Variants in RTL4 observed in about 807,000 individuals in gnomAD.
The protein encoded by RTL4 is retrotransposon Gag like 4.
A neutral mutation model predicts 5.3 loss-of-function variants in RTL4; 4 were observed. That is an observed-to-expected ratio of 0.75 (90% CI 0.37 to 1.72). RTL4 has a LOEUF of 1.72. Ranked by LOEUF, RTL4 falls within the 40% of genes most tolerant of loss-of-function variation. RTL4 has a pLI of 0.04. For synonymous variants in RTL4, 98 were observed against 87.3 expected (o/e 1.12, Z -0.68); for missense variants, 260 against 227.1 (o/e 1.14, Z -0.93).
the RTL4 span, among the ~76,000 whole-genome samples, chrX:112,168,518 A>G: frequency 8.9e-6 from 1 of 111,821 alleles, no homozygotes; most frequent in East Asian, 2.8e-4. Flanking sequence ...AAAAGGATGC[A>G]GTAAAGAAGC....
chrX:112,110,937 C>A, the RTL4 span, among the ~76,000 whole-genome samples: 2 of 111,771 alleles, frequency 1.8e-5, no homozygotes, highest in Middle Eastern at 4.2e-3. Context: ...TGTTAGGAAA[C>A]CTGCTGGGTT....
At chrX:112,230,305 C>T in the RTL4 span, among the ~76,000 whole-genome samples, 12 of 112,379 alleles carry the variant, frequency 1.1e-4, no homozygotes, top group South Asian at 1.9e-3. Context: ...AGTGAGGCTC[C>T]GTGGGCATAG....
the RTL4 span, among the ~76,000 whole-genome samples, chrX:112,392,749 C>T: frequency 9.0e-6 from 1 of 111,512 alleles, no homozygotes; most frequent in Non-Finnish European, 1.9e-5. Flanking sequence ...AGTTGGAGAA[C>T]ACCGATGGGG....
chrX:112,231,094 G>A, the RTL4 span, among the ~76,000 whole-genome samples: 5,166 of 110,248 alleles, frequency 0.047, 316 homozygotes, highest in African/African-American at 0.16. Context: ...GAGAGGATGT[G>A]GAGAAATAGG....
At chrX:112,179,563 T>A in the RTL4 span, among the ~76,000 whole-genome samples, 1 of 111,710 alleles carries the variant, frequency 9.0e-6, no homozygotes, top group Non-Finnish European at 1.9e-5. Flanking sequence ...AGATCTTAGA[T>A]AAATGTGGGC....
the RTL4 span, among the ~76,000 whole-genome samples, chrX:112,113,140 AG>A: frequency 9.0e-6 from 1 of 111,060 alleles, no homozygotes; most frequent in African/African-American, 3.3e-5. Flanking sequence ...TCAGGCCTTA[AG>A]GGTTATTGCT....
the RTL4 span, among the ~76,000 whole-genome samples, chrX:112,270,756 T>C: frequency 9.0e-6 from 1 of 110,546 alleles, no homozygotes; most frequent in African/African-American, 3.3e-5. Flanking sequence ...GGAGTTCTGT[T>C]GGGAGGAAGG....
At chrX:112,179,918 G>A in the RTL4 span, among the ~76,000 whole-genome samples, 1 of 111,532 alleles carries the variant, frequency 9.0e-6, no homozygotes, top group African/African-American at 3.3e-5. Context: ...GAAGCATTTG[G>A]TGTTCACTCT....
the RTL4 span, among the ~76,000 whole-genome samples, chrX:112,233,875 A>T: frequency 4.5e-5 from 5 of 111,903 alleles, no homozygotes; most frequent in Middle Eastern, 4.6e-3. Context: ...TGGCAAAGTG[A>T]CATGGATGCC....
the RTL4 span, among the ~76,000 whole-genome samples, chrX:112,423,385 G>A: frequency 2.8e-5 from 3 of 107,713 alleles, no homozygotes; most frequent in Admixed American, 1.0e-4. Flanking sequence ...CCTGCCCCCC[G>A]CCCAAGTGCC....
chrX:112,222,430 A>G, the RTL4 span, among the ~76,000 whole-genome samples: 1 of 111,771 alleles, frequency 8.9e-6, no homozygotes, highest in East Asian at 2.8e-4. Flanking sequence ...TAGTAAAGAT[A>G]TTCCTAGCTG....
At chrX:112,209,401 G>A in the RTL4 span, among the ~76,000 whole-genome samples, 1 of 111,997 alleles carries the variant, frequency 8.9e-6, no homozygotes, top group Non-Finnish European at 1.9e-5. Context: ...TGCCAACTGG[G>A]AAGATTTCCC....
chrX:112,451,226 C>A (rs1926729563), upstream of RTL4, among the ~76,000 whole-genome samples: 1 of 112,030 alleles, frequency 8.9e-6, no homozygotes, highest in South Asian at 3.7e-4. Context: ...TGACTCACAC[C>A]TGTAATCCCA....
the RTL4 span, among the ~76,000 whole-genome samples, chrX:112,088,348 T>C: frequency 4.5e-5 from 5 of 111,523 alleles, no homozygotes; most frequent in Admixed American, 2.9e-4. Context: ...CTTAATATAA[T>C]GTTTTGAAGG....
At chrX:112,328,424 A>C in the RTL4 span, among the ~76,000 whole-genome samples, 4 of 111,800 alleles carry the variant, frequency 3.6e-5, no homozygotes, top group Non-Finnish European at 5.6e-5. Context: ...CCATTACATA[A>C]TGGTAAAGGG....
the RTL4 span, among the ~76,000 whole-genome samples, chrX:112,094,903 A>T: frequency 9.0e-6 from 1 of 111,453 alleles, no homozygotes; most frequent in Admixed American, 9.5e-5. Context: ...AACAGTGTAA[A>T]TAACTAGTTC....
the RTL4 span, among the ~76,000 whole-genome samples, chrX:112,333,318 G>T: frequency 2.7e-5 from 3 of 110,847 alleles, no homozygotes; most frequent in South Asian, 3.8e-4. Flanking sequence ...ACAGCATGAA[G>T]ATTATAGTTA....
the RTL4 span, among the ~76,000 whole-genome samples, chrX:112,092,054 T>C: frequency 8.9e-6 from 1 of 111,812 alleles, no homozygotes; most frequent in Non-Finnish European, 1.9e-5. Flanking sequence ...GCCTTTTTTG[T>C]TAGCTATTTG....
At chrX:112,220,540 G>A in the RTL4 span, among the ~76,000 whole-genome samples, 26 of 112,911 alleles carry the variant, frequency 2.3e-4, no homozygotes, top group Non-Finnish European at 4.1e-4. Flanking sequence ...TTTGGCTCCT[G>A]GTTACTTATA....
Sources: allele counts gnomAD v4.1 joint callset (sites outside exome capture counted in the v4.1 genomes callset), GRCh38; gene constraint gnomAD v4.1.1; transcripts MANE v1.5; gene names NCBI Gene and HGNC (gene_info 2026-07-23, HGNC 2026-07-21).